The following PTPRD variants were observed in gnomAD, a reference collection of about 807,000 sequenced individuals.
PTPRD encodes protein tyrosine phosphatase receptor type D.
PTPRD carries 34 observed loss-of-function variants against 214.5 expected under a neutral mutation model. That is an observed-to-expected ratio of 0.16 (90% CI 0.12 to 0.21). PTPRD has a LOEUF of 0.21. Ranked by LOEUF, PTPRD falls within the 10% of genes least tolerant of loss-of-function variation. The pLI, the probability that PTPRD is intolerant of heterozygous loss-of-function variation, is 1.00. For synonymous variants in PTPRD, 1,128 were observed against 845.7 expected (o/e 1.33, Z -5.79); for missense variants, 2,545 against 2,398.7 (o/e 1.06, Z -1.27).
intron 2 of PTPRD, among the ~76,000 whole-genome samples, chr9:10,564,763 G>T (rs1025390302): frequency 6.6e-6 from 1 of 152,056 alleles, no homozygotes; most frequent in South Asian, 2.1e-4. Context: ...TTAACTACCT[G>T]CCCCTTCTCA....
At chr9:9,582,558 T>C (rs1199787591) in intron 7 of PTPRD, among the ~76,000 whole-genome samples, 2 of 152,124 alleles carry the variant, frequency 1.3e-5, no homozygotes, top group Admixed American at 1.3e-4. Flanking sequence ...TTAAAGTTTA[T>C]CAGAGAATAA....
chr9:9,752,433 G>A (rs1431104010), intron 6 of PTPRD, among the ~76,000 whole-genome samples: 1 of 151,996 alleles, frequency 6.6e-6, no homozygotes, highest in Non-Finnish European at 1.5e-5. Context: ...TGAACTCAAG[G>A]TTTATTATAA....
At chr9:8,492,366 C>A (rs182087275) in intron 27 of PTPRD, among the ~76,000 whole-genome samples, 2 of 152,236 alleles carry the variant, frequency 1.3e-5, no homozygotes, top group East Asian at 1.9e-4. Flanking sequence ...TCATTTGAGT[C>A]TCGACTTAAA....
At chr9:10,215,422 A>C (rs74467271) in intron 3 of PTPRD, among the ~76,000 whole-genome samples, 2 of 152,140 alleles carry the variant, frequency 1.3e-5, no homozygotes, top group African/African-American at 2.4e-5. Context: ...CAGTATTCTT[A>C]GATATCAGGG....
chr9:8,885,994 C>T (rs1474976141), intron 11 of PTPRD, among the ~76,000 whole-genome samples: 2 of 152,066 alleles, frequency 1.3e-5, no homozygotes, highest in Non-Finnish European at 2.9e-5. Context: ...CATCCTTCAA[C>T]AGAAGAAAAA....
At chr9:8,793,497 C>A (rs2096302563) in intron 11 of PTPRD, among the ~76,000 whole-genome samples, 1 of 152,166 alleles carries the variant, frequency 6.6e-6, no homozygotes, top group Non-Finnish European at 1.5e-5. Flanking sequence ...TCCTGACCCT[C>A]AGAAAATATG....
intron 8 of PTPRD, among the ~76,000 whole-genome samples, chr9:9,542,330 T>C (rs1215532782): frequency 1.3e-5 from 2 of 151,758 alleles, no homozygotes; most frequent in South Asian, 4.1e-4. Context: ...AAAAAGATCA[T>C]GGACCTGTAC....
chr9:8,484,916 A>G (rs759704153), intron 29 of PTPRD, among the ~76,000 whole-genome samples: 1 of 152,230 alleles, frequency 6.6e-6, no homozygotes, highest in East Asian at 1.9e-4. Flanking sequence ...ATAAATAGGT[A>G]GAAACCATGT....
chr9:8,346,090 C>A, intron 39 of PTPRD, among the ~76,000 whole-genome samples: 1 of 152,208 alleles, frequency 6.6e-6, no homozygotes, highest in African/African-American at 2.4e-5. Flanking sequence ...CCTTTCAAAT[C>A]TGCTCCTCCC....
At chr9:9,135,001 C>T (rs1213716836) in intron 10 of PTPRD, among the ~76,000 whole-genome samples, 1 of 152,170 alleles carries the variant, frequency 6.6e-6, no homozygotes, top group Admixed American at 6.5e-5. Context: ...TGTGCAATGA[C>T]ACAGTCATGG....
intron 9 of PTPRD, among the ~76,000 whole-genome samples, chr9:9,238,647 T>C (rs554736278): frequency 6.6e-6 from 1 of 152,254 alleles, no homozygotes; most frequent in Non-Finnish European, 1.5e-5. Context: ...TAGAATAAGC[T>C]GGGCATAGAA....
At chr9:8,626,269 TTTAAG>T (rs1211603522) in intron 14 of PTPRD, among the ~76,000 whole-genome samples, 1 of 151,894 alleles carries the variant, frequency 6.6e-6, no homozygotes. Flanking sequence ...GATAGATTAC[TTTAAG>T]TGAAGTATTT....
At chr9:8,753,687 GGTATTTCTTA>G (rs1349500641) in intron 11 of PTPRD, among the ~76,000 whole-genome samples, 16 of 151,986 alleles carry the variant, frequency 1.1e-4, no homozygotes, top group Admixed American at 9.8e-4. Flanking sequence ...AGAATAATTA[GGTATTTCTTA>G]AATGTGCTAT....
At chr9:10,282,334 C>G (rs1419918546) in intron 3 of PTPRD, among the ~76,000 whole-genome samples, 4 of 152,088 alleles carry the variant, frequency 2.6e-5, no homozygotes, top group Admixed American at 2.6e-4. Context: ...TTGTTCAATA[C>G]AGAACTTTGT....
At chr9:9,759,555 C>CTTTTTGTTTTTTTTTTTTTTTTT (rs2098631634) in intron 6 of PTPRD, among the ~76,000 whole-genome samples, 1 of 117,854 alleles carries the variant, frequency 8.5e-6, no homozygotes, top group Admixed American at 9.4e-5. Flanking sequence ...CAAGGTCTGT[C>CTTTTTGTTTTTTTTTTTTTTTTT]TTTTTTTTTT....
chr9:9,162,702 C>A (rs1200093087), intron 10 of PTPRD, among the ~76,000 whole-genome samples: 1 of 152,054 alleles, frequency 6.6e-6, no homozygotes, highest in Non-Finnish European at 1.5e-5. Context: ...AAGTAAACAA[C>A]CTTCAACACA....
intron 9 of PTPRD, among the ~76,000 whole-genome samples, chr9:9,328,290 A>G (rs1247220255): frequency 6.6e-6 from 1 of 152,116 alleles, no homozygotes; most frequent in Non-Finnish European, 1.5e-5. Context: ...GTAGGACCAT[A>G]CATACTACAT....
chr9:9,487,685 AAAT>A (rs2095710262), intron 8 of PTPRD, among the ~76,000 whole-genome samples: 3 of 152,222 alleles, frequency 2.0e-5, no homozygotes, highest in African/African-American at 2.4e-5. Context: ...ATGATAATTA[AAAT>A]AATATTAAAA....
At chr9:8,731,575 T>A (rs1381396067) in intron 12 of PTPRD, among the ~76,000 whole-genome samples, 3 of 152,208 alleles carry the variant, frequency 2.0e-5, no homozygotes, top group African/African-American at 7.2e-5. Flanking sequence ...GAAAAGGTAA[T>A]GACAGTATTT....
Sources: gnomAD v4.1 joint callset for allele counts (sites outside exome capture counted in the v4.1 genomes callset) on GRCh38, gnomAD v4.1.1 for gene constraint, MANE v1.5 for transcripts, NCBI Gene and HGNC (gene_info 2026-07-23, HGNC 2026-07-21) for gene names.